Variants in JAKMIP2 observed in about 807,000 individuals in gnomAD.
JAKMIP2 encodes janus kinase and microtubule-interacting protein 2.
In JAKMIP2, 25 loss-of-function variants were observed where a neutral mutation model predicts 115.0. The ratio of observed to expected loss-of-function variants is 0.22; its 90% CI spans 0.16 to 0.30. The LOEUF is 0.30. Among genes scored for constraint, JAKMIP2 ranks in the 10% least tolerant of loss-of-function variants. The probability of loss-of-function intolerance (pLI) is 1.00; values close to 1 mark genes in which losing one functional copy is unlikely to be tolerated. For synonymous variants in JAKMIP2, 334 were observed against 343.6 expected (o/e 0.97, Z 0.31); for missense variants, 642 against 957.6 (o/e 0.67, Z 4.35).
intron 1 of JAKMIP2, among the ~76,000 whole-genome samples, chr5:147,747,373 TA>T (rs1754385237): frequency 6.6e-6 from 1 of 152,100 alleles, no homozygotes; most frequent in African/African-American, 2.4e-5. Context: ...GTTCTGAGGG[TA>T]AATTAAACCA....
At chr5:147,611,056 G>A (rs965311764) in intron 20 of JAKMIP2, among the ~76,000 whole-genome samples, 2 of 152,114 alleles carry the variant, frequency 1.3e-5, no homozygotes, top group African/African-American at 4.8e-5. Flanking sequence ...GGCACCCCAG[G>A]TTGACTTCAG....
intron 1 of JAKMIP2, among the ~76,000 whole-genome samples, chr5:147,688,227 G>A (rs1005681816): frequency 6.6e-6 from 1 of 152,154 alleles, no homozygotes; most frequent in Non-Finnish European, 1.5e-5. Context: ...ATCATTCATT[G>A]TCATAATGTT....
rs147147426 is a variant in JAKMIP2, at chr5:147,740,293, C to G, written c.-149+42163G>C. On this transcript the variant is annotated intron_variant, in intron 1 of 21. Coordinates refer to ENST00000616793, the MANE Select transcript of JAKMIP2 (RefSeq NM_001270941.2). Reference sequence around the variant, plus strand: ...ATAGAATCAGAATGCAAGACATACACTAATCACAGATATAAAGAAGAAATT... The same window carrying G: ...ATAGAATCAGAATGCAAGACATACAGTAATCACAGATATAAAGAAGAAATT... Among the ~76,000 whole-genome samples the G allele has an allele frequency of 4.9e-3, 745 of 152,292 alleles. 19 individuals carry two copies. Among genetic ancestry groups the G allele is most frequent in the Non-Finnish European group, 1.9e-3 (130 of 68,036 alleles).
chr5:147,746,960 G>A (rs1754367269), intron 1 of JAKMIP2, among the ~76,000 whole-genome samples: 1 of 152,150 alleles, frequency 6.6e-6, no homozygotes, highest in South Asian at 2.1e-4. Context: ...CTTTAAGGCA[G>A]GAGAGTGAAT....
intron 1 of JAKMIP2, among the ~76,000 whole-genome samples, chr5:147,742,156 T>TATATATATATATATATATATATA (rs1554084271): frequency 2.7e-4 from 23 of 83,962 alleles, no homozygotes; most frequent in East Asian, 1.3e-3. Flanking sequence ...TATATATATA[T>TATATATATATATATATATATATA]TTTTTTTACT....
intron 1 of JAKMIP2, among the ~76,000 whole-genome samples, chr5:147,739,172 T>C (rs1303689266): frequency 6.6e-6 from 1 of 152,076 alleles, no homozygotes. Flanking sequence ...CCCAGAACTT[T>C]AGAGGCAACA....
chr5:147,681,755 A>G (rs1399311120), intron 1 of JAKMIP2, among the ~76,000 whole-genome samples: 1 of 152,042 alleles, frequency 6.6e-6, no homozygotes, highest in African/African-American at 2.4e-5. Flanking sequence ...GAAAAGTGAC[A>G]TACTGGCCAG....
chr5:147,671,794 CT>C lies in JAKMIP2; in HGVS notation c.12del (p.Arg6GlufsTer30). 1 of 1,574,814 alleles carries C rather than the reference CT, an allele frequency of 6.3e-7. No individual in the cohort carries two copies. The highest frequency in any genetic ancestry group is 8.6e-7 in the Non-Finnish European group (1 of 1,161,580). On this transcript the variant is annotated frameshift_variant, in exon 2 of 22. Transcript: ENST00000616793. LOFTEE classifies it high-confidence loss of function. MSK[K>X]GRNKGEKPEA... ...TCGGGCTTCTCGCCCTTATTTCGCCCTTTCTTGGACATTGTTCCTTTCTAAA... is the reference window on the plus strand; with the variant it reads ...TCGGGCTTCTCGCCCTTATTTCGCCCTTCTTGGACATTGTTCCTTTCTAAA...
intron 1 of JAKMIP2, among the ~76,000 whole-genome samples, chr5:147,700,766 G>A (rs1467708214): frequency 6.6e-6 from 1 of 152,114 alleles, no homozygotes; most frequent in African/African-American, 2.4e-5. Flanking sequence ...GAAGTTTATT[G>A]CCTTTCTGGA....
intron 1 of JAKMIP2, among the ~76,000 whole-genome samples, chr5:147,770,351 T>C (rs1487574899): frequency 1.3e-5 from 2 of 152,014 alleles, no homozygotes; most frequent in African/African-American, 4.8e-5. Context: ...CTAAATGGGT[T>C]TACATAGACA....
At chr5:147,680,098 A>G (rs1354267287) in intron 1 of JAKMIP2, among the ~76,000 whole-genome samples, 1 of 152,208 alleles carries the variant, frequency 6.6e-6, no homozygotes, top group East Asian at 1.9e-4. Context: ...TGCTGTATTT[A>G]CCTCATTGAG....
intron 1 of JAKMIP2, among the ~76,000 whole-genome samples, chr5:147,733,600 G>T (rs1753811529): frequency 6.6e-6 from 1 of 152,070 alleles, no homozygotes; most frequent in Non-Finnish European, 1.5e-5. Flanking sequence ...TTCTCCTAAT[G>T]CTGTCCCTCC....
At chr5:147,665,551 T>G (rs1003670658) in intron 2 of JAKMIP2, among the ~76,000 whole-genome samples, 2 of 152,198 alleles carry the variant, frequency 1.3e-5, no homozygotes, top group African/African-American at 4.8e-5. Flanking sequence ...CTTTTAGCCA[T>G]TCTTCTGAGA....
intron 1 of JAKMIP2, among the ~76,000 whole-genome samples, chr5:147,694,834 T>C (rs1228627885): frequency 1.3e-5 from 2 of 152,228 alleles, no homozygotes; most frequent in Non-Finnish European, 2.9e-5. Flanking sequence ...TCAACTGTTT[T>C]GTCAGGCATA....
At chr5:147,706,578 G>A (rs529563251) in intron 1 of JAKMIP2, among the ~76,000 whole-genome samples, 1 of 152,198 alleles carries the variant, frequency 6.6e-6, no homozygotes, top group South Asian at 2.1e-4. Flanking sequence ...CTGTAATATT[G>A]AGTACCTACT....
intron 10 of JAKMIP2, 80 bp downstream of exon 10, chr5:147,639,552 T>G: frequency 2.7e-6 from 4 of 1,474,970 alleles, no homozygotes; most frequent in Non-Finnish European, 3.6e-6. Context: ...GCTGTCTTAT[T>G]GATATTTTTA....
intron 7 of JAKMIP2, among the ~76,000 whole-genome samples, 189 bp downstream of exon 7, chr5:147,643,869 T>C (rs1020778684): frequency 6.6e-5 from 10 of 152,198 alleles, no homozygotes; most frequent in African/African-American, 2.4e-4. Flanking sequence ...CAAAGGGTTA[T>C]AATTTAAAAG....
rs530576022 is a variant in JAKMIP2 at position 147,703,415 on chromosome 5, G to C, written c.-148-31461C>G. Among the ~76,000 whole-genome samples, 229 of 152,190 alleles carry C rather than the reference G, an allele frequency of 1.5e-3. 1 individual carries two copies. Among genetic ancestry groups the C allele is most frequent in the African/African-American group, 5.3e-3 (220 of 41,520 alleles). On this transcript the variant is annotated intron_variant, in intron 1 of 21. Coordinates refer to ENST00000616793, the MANE Select transcript of JAKMIP2 (RefSeq NM_001270941.2). ...AATAAATGGTACACCTGTATGGAGG[G>C]AGTGCAGCTTGCTGGACTGGAAGTT...
At chr5:147,677,821 G>A (rs1218015001) in intron 1 of JAKMIP2, among the ~76,000 whole-genome samples, 2 of 151,876 alleles carry the variant, frequency 1.3e-5, no homozygotes, top group Non-Finnish European at 2.9e-5. Context: ...TACTTTTTTT[G>A]TGGTGAGAAC....
Sources: allele counts gnomAD v4.1 joint callset (sites outside exome capture counted in the v4.1 genomes callset), GRCh38; gene constraint gnomAD v4.1.1; transcripts MANE v1.5; gene names NCBI Gene and HGNC (gene_info 2026-07-23, HGNC 2026-07-21).